Variants in CHST8 observed in about 807,000 individuals in gnomAD.
CHST8 encodes the protein carbohydrate sulfotransferase 8, also known as GALNAC-4-ST1.
A neutral mutation model predicts 15.0 loss-of-function variants in CHST8; 10 were observed. That is an observed-to-expected ratio of 0.67 (90% confidence interval 0.41 to 1.13). CHST8 has a LOEUF of 1.13. CHST8 is among the 50% of genes most tolerant of loss of function. The pLI is 0.00. For synonymous variants in CHST8, 259 were observed against 256.6 expected (o/e 1.01, Z -0.09); for missense variants, 634 against 608.2 (o/e 1.04, Z -0.45).
At chr19:33,659,848 G>T (rs1972563460) in intron 1 of CHST8, among the ~76,000 whole-genome samples, 1 of 152,130 alleles carries the variant, frequency 6.6e-6, no homozygotes, top group Non-Finnish European at 1.5e-5. Context: ...AAAACTTTAT[G>T]TGTCGAGATT....
chr19:33,708,498 G>A (rs34698289), intron 3 of CHST8, among the ~76,000 whole-genome samples: 128 of 152,122 alleles, frequency 8.4e-4, no homozygotes, highest in Non-Finnish European at 1.2e-3. Context: ...GTTCCCTATC[G>A]AATTGCCTTC....
intron 1 of CHST8, among the ~76,000 whole-genome samples, chr19:33,623,285 C>T (rs1283386087): frequency 6.6e-6 from 1 of 152,232 alleles, no homozygotes; most frequent in Non-Finnish European, 1.5e-5. Flanking sequence ...CTGGGGCTCT[C>T]TGTCCTGCAG....
intron 3 of CHST8, among the ~76,000 whole-genome samples, chr19:33,756,727 G>A (rs1171480407): frequency 6.6e-6 from 1 of 152,136 alleles, no homozygotes; most frequent in Non-Finnish European, 1.5e-5. Flanking sequence ...TCCATCATAA[G>A]GTAAGAACCT....
intron 3 of CHST8, among the ~76,000 whole-genome samples, chr19:33,715,952 T>C (rs543896158): frequency 1.3e-5 from 2 of 152,322 alleles, no homozygotes; most frequent in Admixed American, 1.3e-4. Flanking sequence ...TGGGTCCATT[T>C]AGAAAGATAC....
chr19:33,769,720 C>A (rs1411012339), intron 3 of CHST8, among the ~76,000 whole-genome samples: 1 of 152,042 alleles, frequency 6.6e-6, no homozygotes, highest in Non-Finnish European at 1.5e-5. Flanking sequence ...ACACCCCACA[C>A]CCTGAAGGGT....
intron 3 of CHST8, among the ~76,000 whole-genome samples, chr19:33,714,115 A>G (rs80192197): frequency 0.079 from 12,054 of 152,216 alleles, 532 homozygotes; most frequent in East Asian, 0.12. Flanking sequence ...ACTAAAAGTA[A>G]AACTACCATT....
intron 1 of CHST8, among the ~76,000 whole-genome samples, chr19:33,659,620 A>G (rs1370919440): frequency 1.3e-5 from 2 of 152,012 alleles, no homozygotes; most frequent in Non-Finnish European, 2.9e-5. Context: ...GCTTGAGCCC[A>G]GGAGTTGGAG....
intron 1 of CHST8, among the ~76,000 whole-genome samples, chr19:33,650,089 T>C (rs1972415018): frequency 1.3e-5 from 2 of 152,200 alleles, no homozygotes; most frequent in South Asian, 4.1e-4. Flanking sequence ...AGTCTTATGA[T>C]CTCTGTGTTA....
chr19:33,680,738 C>G (rs1025226577), intron 2 of CHST8, among the ~76,000 whole-genome samples: 1 of 152,178 alleles, frequency 6.6e-6, no homozygotes, highest in South Asian at 2.1e-4. Flanking sequence ...GGCACAGTCC[C>G]TTAACTTTAA....
intron 2 of CHST8, among the ~76,000 whole-genome samples, chr19:33,678,447 C>T (rs769972512): frequency 2.6e-5 from 4 of 152,174 alleles, no homozygotes; most frequent in Non-Finnish European, 4.4e-5. Flanking sequence ...GAAAATCATG[C>T]TGGACTGGTA....
At chr19:33,747,416 C>G (rs1568353473) in intron 3 of CHST8, among the ~76,000 whole-genome samples, 1 of 152,302 alleles carries the variant, frequency 6.6e-6, no homozygotes, top group East Asian at 1.9e-4. Flanking sequence ...AACCCCTTCT[C>G]CAGGGAGGAA....
chr19:33,723,706 A>G (rs1273391657), intron 3 of CHST8, among the ~76,000 whole-genome samples: 1 of 152,228 alleles, frequency 6.6e-6, no homozygotes, highest in Non-Finnish European at 1.5e-5. Context: ...GGCTGTATCT[A>G]GGCTCTGCCT....
chr19:33,670,956 A>T (rs1181129154), intron 2 of CHST8, among the ~76,000 whole-genome samples: 1 of 152,182 alleles, frequency 6.6e-6, no homozygotes, highest in African/African-American at 2.4e-5. Flanking sequence ...TAAGTAGCCT[A>T]TGTAGCTGGT....
intron 1 of CHST8, among the ~76,000 whole-genome samples, chr19:33,625,590 G>A (rs1006879536): frequency 3.9e-5 from 6 of 152,126 alleles, no homozygotes; most frequent in South Asian, 4.2e-4. Flanking sequence ...GGCCAGGCAC[G>A]GTGGCTCACG....
intron 3 of CHST8, among the ~76,000 whole-genome samples, chr19:33,745,634 G>A (rs1974300929): frequency 6.6e-6 from 1 of 152,210 alleles, no homozygotes; most frequent in African/African-American, 2.4e-5. Flanking sequence ...CACCTGTAAG[G>A]GAACGAAGGA....
At chr19:33,712,336 G>A (rs1166905476) in intron 3 of CHST8, among the ~76,000 whole-genome samples, 2 of 152,210 alleles carry the variant, frequency 1.3e-5, no homozygotes, top group African/African-American at 4.8e-5. Flanking sequence ...CCAAGCCTGG[G>A]GGAGGAGGAT....
intron 1 of CHST8, among the ~76,000 whole-genome samples, chr19:33,644,880 G>A (rs1972329868): frequency 6.6e-6 from 1 of 152,212 alleles, no homozygotes; most frequent in African/African-American, 2.4e-5. Flanking sequence ...GAGAAGGTGA[G>A]ATGAGATTAG....
At chr19:33,680,064 G>A (rs901909893) in intron 2 of CHST8, among the ~76,000 whole-genome samples, 15 of 152,114 alleles carry the variant, frequency 9.9e-5, no homozygotes, top group Admixed American at 4.6e-4. Context: ...TCCCACTCCA[G>A]CTTCCTCCCT....
chr19:33,643,515 C>T (rs1340713956), intron 1 of CHST8, among the ~76,000 whole-genome samples: 1 of 152,240 alleles, frequency 6.6e-6, no homozygotes, highest in Non-Finnish European at 1.5e-5. Flanking sequence ...TTCTAAATAA[C>T]ACACATATGC....
Sources: gnomAD v4.1 joint callset for allele counts (sites outside exome capture counted in the v4.1 genomes callset) on GRCh38, gnomAD v4.1.1 for gene constraint, MANE v1.5 for transcripts, NCBI Gene and HGNC (gene_info 2026-07-23, HGNC 2026-07-21) for gene names.